Variants in SORCS3 observed in about 807,000 individuals in gnomAD.
SORCS3 encodes the protein VPS10 domain-containing receptor SorCS3.
Under a neutral mutation model 146.3 loss-of-function variants are expected in SORCS3, and 57 were observed. That is an observed-to-expected ratio of 0.39 (90% confidence interval 0.31 to 0.49). SORCS3 has a LOEUF of 0.49. Among genes scored for constraint, SORCS3 ranks in the 20% least tolerant of loss-of-function variants. The pLI, the probability that SORCS3 is intolerant of heterozygous loss-of-function variation, is 0.92. For synonymous variants in SORCS3, 653 were observed against 618.5 expected (o/e 1.06, Z -0.83); for missense variants, 1,341 against 1,575.5 (o/e 0.85, Z 2.52).
At position 105,238,963 on chromosome 10, in the gene SORCS3, T is replaced by C. The variant is rs183096089; in HGVS notation, c.2869-6579T>C. Reference sequence around the variant, plus strand: ...AAGGAATAAAGCCAAATAGAATCTATAACTATCACTTTAGCTTTAAACTAC... The same window carrying C: ...AAGGAATAAAGCCAAATAGAATCTACAACTATCACTTTAGCTTTAAACTAC... On this transcript the variant is annotated intron_variant, in intron 20 of 26. Coordinates refer to ENST00000369701, the MANE Select transcript of SORCS3 (RefSeq NM_014978.3). Among the ~76,000 whole-genome samples, 6 of 152,306 alleles carry C rather than the reference T, an allele frequency of 3.9e-5. No homozygotes were observed. The East Asian group carries it at 1.2e-3, about 29-fold the overall frequency.
chr10:104,894,405 T>G (rs2018778908), intron 2 of SORCS3, among the ~76,000 whole-genome samples: 1 of 152,208 alleles, frequency 6.6e-6, no homozygotes, highest in Non-Finnish European at 1.5e-5. Context: ...AGAGTTATAT[T>G]TCACAGCAAA....
At chr10:104,672,085 G>A (rs755109169) in intron 1 of SORCS3, among the ~76,000 whole-genome samples, 18 of 152,112 alleles carry the variant, frequency 1.2e-4, no homozygotes, top group Non-Finnish European at 1.9e-4. Context: ...AGAATTCACT[G>A]GTGAAACCAT....
intron 4 of SORCS3, among the ~76,000 whole-genome samples, chr10:104,985,160 C>G (rs868220354): frequency 6.6e-6 from 1 of 152,118 alleles, no homozygotes; most frequent in Non-Finnish European, 1.5e-5. Context: ...GGAGTCAATC[C>G]TCTCCAGCCC....
chr10:104,994,384 T>G (rs140027492), intron 4 of SORCS3, among the ~76,000 whole-genome samples: 1 of 152,332 alleles, frequency 6.6e-6, no homozygotes, highest in Non-Finnish European at 1.5e-5. Context: ...ATAAGCATTA[T>G]TTAACATAAA....
chr10:105,070,276 G>T (rs965884210), intron 5 of SORCS3, among the ~76,000 whole-genome samples: 1 of 152,220 alleles, frequency 6.6e-6, no homozygotes, highest in Non-Finnish European at 1.5e-5. Flanking sequence ...AGGAAACTAA[G>T]GTTGAGAGTG....
intron 4 of SORCS3, among the ~76,000 whole-genome samples, chr10:105,038,568 G>A (rs1448384026): frequency 6.6e-6 from 1 of 151,920 alleles, no homozygotes; most frequent in Non-Finnish European, 1.5e-5. Flanking sequence ...ATAAAATGTG[G>A]GCTTAAGTTA....
In SORCS3 at chr10:105,147,630, T is replaced by C. The variant is rs1190533332; in HGVS notation, c.1316T>C (p.Ile439Thr). 1.9e-6 allele frequency: 3 copies of C among 1,610,950 alleles called. No individual in the cohort carries two copies. Among genetic ancestry groups the C allele is most frequent in the Admixed American group, 3.3e-5 (2 of 59,788 alleles). ...KYSLPKDMHI[I>T]STDENQVFAA... ...ATCTTCTTTCAGGACATGCACATCA[T>C]CAGTACAGACGAGAACCAAGTATTT... Residue 439 changes from isoleucine (I) to threonine (T), a missense_variant, in exon 9 of 27, where the codon ATC becomes ACC. Ile to Thr is a moderately conservative substitution (Grantham distance 89). Transcript: ENST00000369701.
At chr10:105,113,450 A>G (rs1421501283) in intron 7 of SORCS3, among the ~76,000 whole-genome samples, 2 of 152,192 alleles carry the variant, frequency 1.3e-5, no homozygotes, top group African/African-American at 2.4e-5. Context: ...ACCTCTTCCC[A>G]TGACATTAAA....
chr10:105,181,951 A>G (rs1048753831), intron 14 of SORCS3, among the ~76,000 whole-genome samples: 3 of 152,248 alleles, frequency 2.0e-5, no homozygotes, highest in South Asian at 4.1e-4. Flanking sequence ...AGATAGAAAA[A>G]CACTGCTTTC....
At chr10:104,958,681 G>A (rs2054770403) in intron 3 of SORCS3, among the ~76,000 whole-genome samples, 1 of 152,092 alleles carries the variant, frequency 6.6e-6, no homozygotes, top group South Asian at 2.1e-4. Flanking sequence ...CCCAATATTA[G>A]TCTGTTTTCA....
chr10:104,967,844 G>A (rs2054834948), intron 3 of SORCS3, among the ~76,000 whole-genome samples: 1 of 149,828 alleles, frequency 6.7e-6, no homozygotes, highest in South Asian at 2.1e-4. Flanking sequence ...TTTTTTGATA[G>A]AGTTGAGGTT....
chr10:104,867,328 GA>G (rs2018470770), intron 2 of SORCS3, among the ~76,000 whole-genome samples: 1 of 108,746 alleles, frequency 9.2e-6, no homozygotes, highest in Non-Finnish European at 1.9e-5. Flanking sequence ...TTTTTTTTTT[GA>G]GACGAAGTCT....
chr10:104,940,204 TTATATATATATATATATATATATA>T lies in SORCS3; in HGVS notation c.795+24284_795+24307del, dbSNP rs71022748. On this transcript the variant is annotated intron_variant, in intron 3 of 26. Transcript: ENST00000369701. ...ACCGAGAGTTCCTCTTCCTTTTCTT[TTATATATATATATATATATATATA>T]TATATATATATTTTTTTTTTTTTTT... is the stretch of plus-strand genomic sequence containing the variant. Among the ~76,000 whole-genome samples the T allele has an allele frequency of 1.7e-4, 9 of 53,002 alleles. 1 individual carries two copies. The highest frequency in any genetic ancestry group is 4.0e-4 in the Non-Finnish European group (9 of 22,240). The allele number at this position is 53,002 out of a possible 152,430, so 34.8% of individuals were successfully genotyped here. A position where few individuals can be genotyped will look rare whatever the true frequency, so the allele number is the denominator to read the frequency against.
At chr10:105,261,550 T>TC (rs1482989818) in intron 25 of SORCS3, among the ~76,000 whole-genome samples, 14 of 152,280 alleles carry the variant, frequency 9.2e-5, no homozygotes, top group Non-Finnish European at 2.1e-4. Context: ...TGAGAAGCCC[T>TC]GGATTAAAGG....
At chr10:104,642,811 G>T (rs1338470926) in intron 1 of SORCS3, among the ~76,000 whole-genome samples, 2 of 152,144 alleles carry the variant, frequency 1.3e-5, no homozygotes, top group Admixed American at 1.3e-4. Flanking sequence ...GCTTTTCCCC[G>T]CCACCGGGTT....
chr10:104,765,332 A>C (rs1316405734), intron 1 of SORCS3, among the ~76,000 whole-genome samples: 2 of 152,202 alleles, frequency 1.3e-5, no homozygotes, highest in East Asian at 3.9e-4. Flanking sequence ...ACCAACATGA[A>C]GAAATGAGGA....
intron 14 of SORCS3, among the ~76,000 whole-genome samples, chr10:105,183,423 A>G (rs1478366748): frequency 2.0e-5 from 3 of 152,116 alleles, no homozygotes; most frequent in Non-Finnish European, 4.4e-5. Context: ...CCACATGCCT[A>G]GCAGGGATCA....
intron 1 of SORCS3, among the ~76,000 whole-genome samples, chr10:104,808,792 ACT>A (rs1026539162): frequency 1.6e-4 from 24 of 152,348 alleles, no homozygotes; most frequent in African/African-American, 5.8e-4. Context: ...TGAAGCAGAT[ACT>A]AGAATTATCC....
intron 4 of SORCS3, among the ~76,000 whole-genome samples, chr10:104,984,667 C>T (rs2054951712): frequency 6.6e-6 from 1 of 152,056 alleles, no homozygotes; most frequent in Non-Finnish European, 1.5e-5. Context: ...CATGTAGCGA[C>T]ATAGGTATAT....
Sources: gnomAD v4.1 joint callset for allele counts (sites outside exome capture counted in the v4.1 genomes callset) on GRCh38, gnomAD v4.1.1 for gene constraint, MANE v1.5 for transcripts, NCBI Gene and HGNC (gene_info 2026-07-23, HGNC 2026-07-21) for gene names.